HRH3: variants seen among roughly 807,000 people sequenced by gnomAD.
HRH3 encodes histamine receptor H3, also known as histamine H3 receptor.
HRH3 carries 13 observed loss-of-function variants against 21.6 expected under a neutral mutation model. The observed-to-expected ratio is 0.60, with a 90% CI of 0.39 to 0.96. HRH3 has a LOEUF of 0.96. Ranked by LOEUF, HRH3 falls within the 40% of genes least tolerant of loss-of-function variation. The pLI, the probability that HRH3 is intolerant of heterozygous loss-of-function variation, is 0.00. For synonymous variants in HRH3, 276 were observed against 290.3 expected (o/e 0.95, Z 0.50); for missense variants, 461 against 622.7 (o/e 0.74, Z 2.76).
intron 2 of HRH3, among the ~76,000 whole-genome samples, chr20:62,217,542 A>T (rs1483600714): frequency 6.6e-6 from 1 of 152,236 alleles, no homozygotes; most frequent in Non-Finnish European, 1.5e-5. Context: ...TCCTCAGGGC[A>T]GAGAGCAACC....
chr20:62,216,916 C>T lies in HRH3; in HGVS notation c.428G>A (p.Arg143Gln), dbSNP rs201618826. Residue 143 changes from arginine (R) to glutamine (Q), a missense_variant, in exon 3 of 3, where the codon CGG becomes CAG. Arg to Gln is a conservative substitution (Grantham distance 43, BLOSUM62 1). This residue lies in a region of HRH3 where 74 missense variants were observed against 86.6 expected (regional missense o/e 0.85). Coordinates refer to ENST00000340177, the MANE Select transcript of HRH3 (RefSeq NM_007232.3). ...CCGCCGCGTGTCACCCTGCTGGGCCCGGTATGAGACCTGCAGAAGGGCAGG... is the reference window on the plus strand; with the variant it reads ...CCGCCGCGTGTCACCCTGCTGGGCCTGGTATGAGACCTGCAGAAGGGCAGG... Reference protein sequence around the residue: ...FLSVTRAVSYRAQQGDTRRAV... With the variant: ...FLSVTRAVSYQAQQGDTRRAV... 7 of 1,601,748 alleles carry T rather than the reference C, an allele frequency of 4.4e-6. No individual in the cohort carries two copies. Among genetic ancestry groups the T allele is most frequent in the African/African-American group, 1.3e-5 (1 of 74,744 alleles).
At position 62,216,624 on chromosome 20, in the gene HRH3, G is replaced by A. The variant is rs746309296; in HGVS notation, c.720C>T (p.Ala240=). The A allele has an allele frequency of 3.2e-5, 51 of 1,611,792 alleles. No individual in the cohort carries two copies. Among genetic ancestry groups the A allele is most frequent in the South Asian group, 1.6e-4 (15 of 91,032 alleles). ...RLRLDGAREA[A]GPEPPPEAQP... ...GGGCCTCGGGAGGGGGCTCGGGGCC[G>A]GCTGCCTCTCGAGCCCCATCCAGCC... The change falls in exon 3 of 3, where the codon GCC becomes GCT. Residue 240 remains alanine, a synonymous_variant. Coordinates refer to ENST00000340177, the MANE Select transcript of HRH3 (RefSeq NM_007232.3).
At position 62,215,907 on chromosome 20, in the gene HRH3, C is replaced by T. The variant is rs963782346; in HGVS notation, c.*99G>A. The T allele has an allele frequency of 8.4e-7, 1 of 1,189,272 alleles. No homozygotes were observed. Among genetic ancestry groups the T allele is most frequent in the Non-Finnish European group, 1.1e-6 (1 of 870,180 alleles). The allele number at this position is 1,189,272 out of a possible 1,614,324, so 73.7% of individuals were successfully genotyped here. On this transcript the variant is annotated 3_prime_UTR_variant, in exon 3 of 3. Coordinates refer to ENST00000340177, the MANE Select transcript of HRH3 (RefSeq NM_007232.3). ...AGAGGGCCACAGACACGGCGGGGCT[C>T]ACCCCTGGGGGAACGAGCCGGGTAG...
At position 62,216,558 on chromosome 20, in the gene HRH3, C is replaced by G. The variant is rs760174493; in HGVS notation, c.786G>C (p.Trp262Cys). 1.2e-6 allele frequency: 2 copies of G among 1,604,084 alleles called. No homozygotes were observed. Among genetic ancestry groups the G allele is most frequent in the Non-Finnish European group, 1.7e-6 (2 of 1,175,718 alleles). Reference protein sequence around the residue: ...PPPPPGCWGCWQKGHGEAMPL... With the variant: ...PPPPPGCWGCCQKGHGEAMPL... The stretch of plus-strand genomic sequence containing the variant: ...GCATGGCCTCCCCGTGCCCCTTCTG[C>G]CAGCAGCCCCAGCAGCCAGGCGGTG... The change falls in exon 3 of 3, where the codon TGG becomes TGC. Residue 262 changes from tryptophan to cysteine, a missense_variant. By Grantham distance (215) the Trp-to-Cys change is radical. Coordinates refer to ENST00000340177, the MANE Select transcript of HRH3 (RefSeq NM_007232.3).
Position 62,215,961 on chromosome 20 carries a change from C to T in HRH3, c.*45G>A. ...GCAGCAGGGCCAGATGCCCAGGAGA[C>T]CTGGGCTGAGAGAGGCGTGGCTGAG... On this transcript the variant is annotated 3_prime_UTR_variant, in exon 3 of 3. Transcript: ENST00000340177. The T allele has an allele frequency of 6.6e-7, 1 of 1,509,006 alleles. No homozygotes were observed. Among genetic ancestry groups the T allele is most frequent in the Non-Finnish European group, 8.9e-7 (1 of 1,123,304 alleles). 93.5% of individuals were successfully genotyped at this position (1,509,006 alleles called of 1,614,324 possible).
Position 62,216,507 on chromosome 20 carries a change from C to A in HRH3, c.837G>T (p.Glu279Asp). 6.3e-7 allele frequency: 1 copy of A among 1,586,046 alleles called. No homozygotes were observed. The highest frequency in any genetic ancestry group is 8.6e-7 in the Non-Finnish European group (1 of 1,166,996). The change falls in exon 3 of 3, where the codon GAG becomes GAT. Residue 279 changes from glutamate (E) to aspartate (D), a missense_variant. Glu to Asp is a conservative substitution (Grantham distance 45). Transcript: ENST00000340177. ...CCCCGGCCTCAGCGCCTACGGCCGC[C>A]TCACCCACCCCATACCTGTGCAGCG... ...AMPLHRYGVG[E>D]AAVGAEAGEA...
chr20:62,218,876 G>A lies in HRH3; in HGVS notation c.251-219C>T, dbSNP rs1288545184. Among the ~76,000 whole-genome samples, 1 of 151,566 alleles carries A rather than the reference G, an allele frequency of 6.6e-6. No homozygotes were observed. Among genetic ancestry groups the A allele is most frequent in the Non-Finnish European group, 1.5e-5 (1 of 67,862 alleles). On this transcript the variant is annotated intron_variant, in intron 1 of 2. Transcript: ENST00000340177. This position sits in a 1 kb window ranked among gnomAD's most constrained non-coding sequence, Gnocchi z 5.6. ...CTCCCAGCACTATCTGTGTCCCCTG[G>A]GCCTGGGGGCAGGAGGGATGATCCA...
In HRH3 at chr20:62,216,207, G is replaced by A; in HGVS notation, c.1137C>T (p.Ile379=). ...AGTGGCCATGGCAGGCGGCCCGGAT[G>A]ATCATCAGCAGCGTGTATGGGGCCC... is the stretch of plus-strand genomic sequence containing the variant. ...LCWAPYTLLM[I]IRAACHGHCV... Residue 379 remains isoleucine (I), a synonymous_variant, in exon 3 of 3, where the codon ATC becomes ATT. Transcript: ENST00000340177. 1 of 1,613,088 alleles carries A rather than the reference G, an allele frequency of 6.2e-7. No individual in the cohort carries two copies. The highest frequency in any genetic ancestry group is 8.5e-7 in the Non-Finnish European group (1 of 1,179,994).
Position 62,215,149 on chromosome 20 carries a change from T to A in HRH3, c.*857A>T. 2.8e-6 allele frequency: 1 copy of A among 356,716 alleles called. No individual in the cohort carries two copies. The highest frequency in any genetic ancestry group is 5.5e-6 in the Non-Finnish European group (1 of 180,994). 22.1% of individuals were successfully genotyped at this position (356,716 alleles called of 1,614,324 possible). A position where few individuals can be genotyped will look rare whatever the true frequency, so the allele number is the denominator to read the frequency against. On this transcript the variant is annotated 3_prime_UTR_variant, in exon 3 of 3. Transcript: ENST00000340177. ...GACCCTCGGGCCCAGCCGGGCCCCC[T>A]CCTCCCAACAACCCCCAGAGGTCCT...
chr20:62,218,376 G>A lies in HRH3; in HGVS notation c.417+115C>T. 3 of 1,236,514 alleles carry A rather than the reference G, an allele frequency of 2.4e-6. No individual in the cohort carries two copies. Among genetic ancestry groups the A allele is most frequent in the Non-Finnish European group, 2.2e-6 (2 of 899,102 alleles). 76.6% of individuals were successfully genotyped at this position (1,236,514 alleles called of 1,614,324 possible). A position where few individuals can be genotyped will look rare whatever the true frequency, so the allele number is the denominator to read the frequency against. ...CATGTGTCAGCAGCAAAGCCAGTGG[G>A]ACCAAGCCCACTTCTGCCCACAACT... On this transcript the variant is annotated intron_variant, in intron 2 of 2. Coordinates refer to ENST00000340177, the MANE Select transcript of HRH3 (RefSeq NM_007232.3). The surrounding 1 kb of genome is among the most constrained non-coding windows in gnomAD (Gnocchi z 5.6).
Position 62,218,566 on chromosome 20 carries a change from G to C in HRH3, c.342C>G (p.Asp114Glu). Residue 114 changes from aspartate (D) to glutamate (E), a missense_variant, in exon 2 of 3, where the codon GAC becomes GAG. Around this residue, in one of 6 missense-constraint regions of HRH3, gnomAD observed 3 missense variants for 20.5 expected, o/e 0.15. Transcript: ENST00000340177. This position sits in a 1 kb window ranked among gnomAD's most constrained non-coding sequence, Gnocchi z 5.6. Reference sequence around the variant, plus strand: ...AGGCAGAGGAGGTGCACAGCAGGTAGTCCACTACCAGCCACAGCTTGCAGA... The same window carrying C: ...AGGCAGAGGAGGTGCACAGCAGGTACTCCACTACCAGCCACAGCTTGCAGA... ...RGLCKLWLVVDYLLCTSSAFN... is the reference protein window; with the variant it reads ...RGLCKLWLVVEYLLCTSSAFN... The C allele has an allele frequency of 6.2e-7, 1 of 1,612,460 alleles. No homozygotes were observed. The highest frequency in any genetic ancestry group is 8.5e-7 in the Non-Finnish European group (1 of 1,179,956).
chr20:62,218,073 C>T lies in HRH3; in HGVS notation c.417+418G>A, dbSNP rs780192366. Among the ~76,000 whole-genome samples, 2 of 152,210 alleles carry T rather than the reference C, an allele frequency of 1.3e-5. No homozygotes were observed. Among genetic ancestry groups the T allele is most frequent in the Non-Finnish European group, 1.5e-5 (1 of 68,028 alleles). On this transcript the variant is annotated intron_variant, in intron 2 of 2. Transcript: ENST00000340177. The surrounding 1 kb of genome is among the most constrained non-coding windows in gnomAD (Gnocchi z 5.6). ...TCCCTGACTCAGGTGGCCGCTCCCA[C>T]AAAGGGAAATCTGCGGAGCCAGGAT...
rs1188077904 is a variant in HRH3, at chr20:62,216,452, C to T, written c.892G>A (p.Gly298Ser). 31 of 1,537,330 alleles carry T rather than the reference C, an allele frequency of 2.0e-5. No homozygotes were observed. Among genetic ancestry groups the T allele is most frequent in the South Asian group, 3.6e-5 (3 of 83,118 alleles). Residue 298 changes from glycine (G) to serine (S), a missense_variant, in exon 3 of 3, where the codon GGC becomes AGC. By Grantham distance (56) the Gly-to-Ser change is moderately conservative. This residue lies in a region of HRH3 where 163 missense variants were observed against 139.4 expected (regional missense o/e 1.17). Transcript: ENST00000340177. ...EATLGGGGGG[G>S]SVASPTSSSG... ...CTGGAGGTGGGTGAAGCCACGGAGC[C>T]GCCCCCACCGCCACCCCCGAGGGTC... is the stretch of plus-strand genomic sequence containing the variant.
chr20:62,219,920 C>T lies in HRH3; in HGVS notation c.51G>A (p.Ala17=). Residue 17 remains alanine, a synonymous_variant, in exon 1 of 3, where the codon GCG becomes GCA. Coordinates refer to ENST00000340177, the MANE Select transcript of HRH3 (RefSeq NM_007232.3). This position sits in a 1 kb window ranked among gnomAD's most constrained non-coding sequence, Gnocchi z 8.7. The part of the protein sequence containing the change: ...DGPLNASGAL[A]GEAAAAGGAR... ...CCCCGCCCGCCGCCGCCGCCTCGCC[C>T]GCCAGCGCCCCCGAAGCGTTCAGCG... is the stretch of plus-strand genomic sequence containing the variant. 7.7e-7 allele frequency: 1 copy of T among 1,304,092 alleles called. No homozygotes were observed. The highest frequency in any genetic ancestry group is 9.7e-7 in the Non-Finnish European group (1 of 1,033,542). 80.8% of individuals were successfully genotyped at this position (1,304,092 alleles called of 1,614,324 possible). A position where few individuals can be genotyped will look rare whatever the true frequency, so the allele number is the denominator to read the frequency against.
Position 62,219,283 on chromosome 20 carries a change from G to A in HRH3, c.250+438C>T, listed in dbSNP as rs1944929523. Reference sequence around the variant, plus strand: ...GACACGTGAGAGCACGCTCCTCCGAGCGTCTCCCCCAACCCCCACCTTCCC... The same window carrying A: ...GACACGTGAGAGCACGCTCCTCCGAACGTCTCCCCCAACCCCCACCTTCCC... On this transcript the variant is annotated intron_variant, in intron 1 of 2. Transcript: ENST00000340177. This position sits in a 1 kb window ranked among gnomAD's most constrained non-coding sequence, Gnocchi z 8.7. Among the ~76,000 whole-genome samples, 1 of 146,114 alleles carries A rather than the reference G, an allele frequency of 6.8e-6. No individual in the cohort carries two copies. Among genetic ancestry groups the A allele is most frequent in the Non-Finnish European group, 1.5e-5 (1 of 66,540 alleles).
At chr20:62,217,618 C>T (rs1364542244) in intron 2 of HRH3, among the ~76,000 whole-genome samples, 1 of 152,086 alleles carries the variant, frequency 6.6e-6, no homozygotes, top group African/African-American at 2.4e-5. Flanking sequence ...TAGGACAGCT[C>T]GAGGAGGAGG....
chr20:62,219,899 GC>G lies in HRH3; in HGVS notation c.71del (p.Gly24AlafsTer73). 1.5e-6 allele frequency: 2 copies of G among 1,362,828 alleles called. No individual in the cohort carries two copies. The highest frequency in any genetic ancestry group is 1.8e-5 in the South Asian group (1 of 55,680). The allele number at this position is 1,362,828 out of a possible 1,614,324, so 84.4% of individuals were successfully genotyped here. ...AGGCTGCCGAGAAGCCGCGCGCCCC[GC>G]CCGCCGCCGCCGCCTCGCCCGCCAG... is the stretch of plus-strand genomic sequence containing the variant. ...GALAGEAAAAGGARGFSAAWT... is the reference protein window; with the variant it reads ...GALAGEAAAAXGARGFSAAWT... On this transcript the variant is annotated frameshift_variant, in exon 1 of 3. Transcript: ENST00000340177. LOFTEE classifies it high-confidence loss of function. This position sits in a 1 kb window ranked among gnomAD's most constrained non-coding sequence, Gnocchi z 8.7.
rs201741755 is a variant in HRH3, at chr20:62,215,702, C to T, written c.*304G>A. On this transcript the variant is annotated 3_prime_UTR_variant, in exon 3 of 3. Transcript: ENST00000340177. ...TGGGAAGAACACCAACCAGTAACTG[C>T]GAAGGGTGGGCACCAGCAGGGGGTG... The T allele has an allele frequency of 2.4e-4, 112 of 471,458 alleles. No individual in the cohort carries two copies. The highest frequency in any genetic ancestry group is 3.4e-4 in the Non-Finnish European group (86 of 255,618). 29.2% of individuals were successfully genotyped at this position (471,458 alleles called of 1,614,324 possible).
At position 62,216,777 on chromosome 20, in the gene HRH3, A is replaced by C. The variant is rs1978583479; in HGVS notation, c.567T>G (p.Tyr189Ter). Reference protein sequence around the residue: ...GGSSIPEGHCYAEFFYNWYFL... With the variant: ...GGSSIPEGHC ...AGTACCAGTTGTAGAAGAACTCGGC[A>C]TAGCAGTGGCCCTCGGGGATGGAGC... is the stretch of plus-strand genomic sequence containing the variant. The change falls in exon 3 of 3, where the codon TAT becomes TAG. Residue 189 changes from tyrosine to a stop codon, truncating the protein, a stop_gained. Transcript: ENST00000340177. LOFTEE classifies it low-confidence loss of function (END_TRUNC). The C allele has an allele frequency of 6.2e-7, 1 of 1,613,036 alleles. No individual in the cohort carries two copies. The highest frequency in any genetic ancestry group is 8.5e-7 in the Non-Finnish European group (1 of 1,180,006).
Sources: allele counts gnomAD v4.1 joint callset (sites outside exome capture counted in the v4.1 genomes callset), GRCh38; gene constraint gnomAD v4.1.1; regional missense constraint gnomAD v4.1.1; non-coding constraint Gnocchi (gnomAD v3.1); transcripts MANE v1.5; gene names NCBI Gene and HGNC (gene_info 2026-07-23, HGNC 2026-07-21).